Variants in DNAH8 observed in about 807,000 individuals in gnomAD.
DNAH8 encodes axonemal beta dynein heavy chain 8.
DNAH8 carries 382 observed loss-of-function variants against 562.1 expected under a neutral mutation model. The ratio of observed to expected loss-of-function variants is 0.68; its 90% CI spans 0.63 to 0.74. The LOEUF is 0.74. Among genes scored for constraint, DNAH8 ranks in the 30% least tolerant of loss-of-function variants. The pLI is 0.00. For missense variants in DNAH8, 5,203 were observed against 5,620.4 expected (o/e 0.93, Z 2.37); for synonymous variants, 1,881 against 1,919.4 (o/e 0.98, Z 0.52).
chr6:38,944,727 G>T (rs922052225), intron 79 of DNAH8, among the ~76,000 whole-genome samples: 2 of 152,270 alleles, frequency 1.3e-5, no homozygotes, highest in South Asian at 2.1e-4. Flanking sequence ...AAAAGCAAGG[G>T]CCTGGTTGGG....
Position 38,786,745 on chromosome 6 carries a change from C to A in DNAH8, c.2396-20C>A. ...AAAGGAAATTCAGAATGAGTAATGTCAATCATTATTTATTTGTAGCTTTAC... is the reference window on the plus strand; with the variant it reads ...AAAGGAAATTCAGAATGAGTAATGTAAATCATTATTTATTTGTAGCTTTAC... On this transcript the variant is annotated intron_variant, in intron 17 of 92. Coordinates refer to ENST00000327475, the MANE Select transcript of DNAH8 (RefSeq NM_001206927.2). 1 of 1,605,660 alleles carries A rather than the reference C, an allele frequency of 6.2e-7. No individual in the cohort carries two copies. The highest frequency in any genetic ancestry group is 1.1e-5 in the South Asian group (1 of 89,692).
chr6:38,953,714 A>T (rs1376136731), intron 82 of DNAH8, among the ~76,000 whole-genome samples: 1 of 152,240 alleles, frequency 6.6e-6, no homozygotes, highest in African/African-American at 2.4e-5. Context: ...GTTAAAATGG[A>T]ACTATTACAC....
chr6:38,953,091 T>C (rs1561908943), intron 82 of DNAH8: 1 of 152,276 alleles, frequency 6.6e-6, no homozygotes. Flanking sequence ...TAGTGGCTCA[T>C]GGGCTTCACT....
intron 8 of DNAH8, among the ~76,000 whole-genome samples, chr6:38,748,422 C>T (rs986987202): frequency 9.2e-5 from 14 of 152,116 alleles, no homozygotes; most frequent in African/African-American, 3.1e-4. Flanking sequence ...ATCCCAACCT[C>T]TTTGTTGGAT....
At chr6:39,027,566 G>A (rs777884781) in intron 92 of DNAH8, among the ~76,000 whole-genome samples, 1 of 152,158 alleles carries the variant, frequency 6.6e-6, no homozygotes, top group Admixed American at 6.5e-5. Flanking sequence ...GGTGGCTCAC[G>A]CCTGTAATCC....
chr6:38,845,739 A>G lies in DNAH8; in HGVS notation c.5011A>G (p.Ser1671Gly). 1.2e-6 allele frequency: 2 copies of G among 1,613,904 alleles called. No homozygotes were observed. Among genetic ancestry groups the G allele is most frequent in the Non-Finnish European group, 1.7e-6 (2 of 1,179,830 alleles). The stretch of plus-strand genomic sequence containing the variant: ...AGAAATTATCACTTTGATGGAGGAT[A>G]GTTTAATGGTCTTAGGGTCTTTACT... ...SGEIITLMED[S>G]LMVLGSLLSN... Residue 1671 changes from serine to glycine, a missense_variant, in exon 36 of 93, where the codon AGT (serine) becomes GGT (glycine). Ser to Gly is a moderately conservative substitution (Grantham distance 56). Transcript: ENST00000327475.
At chr6:38,858,949 G>A (rs1776403823) in intron 42 of DNAH8, among the ~76,000 whole-genome samples, 1 of 152,020 alleles carries the variant, frequency 6.6e-6, no homozygotes, top group Non-Finnish European at 1.5e-5. Context: ...TTAAAATTAA[G>A]TGCTGAGCAA....
chr6:38,960,841 AC>A (rs575411085), intron 82 of DNAH8, among the ~76,000 whole-genome samples: 121 of 152,132 alleles, frequency 8.0e-4, no homozygotes, highest in African/African-American at 2.8e-3. Flanking sequence ...ATTTAAAAAA[AC>A]GAAGTGAAAT....
chr6:38,813,916 G>A (rs1772019251), intron 24 of DNAH8, 138 bp from the exon 25 acceptor site: 2 of 704,550 alleles, frequency 2.8e-6, no homozygotes, highest in African/African-American at 3.6e-5. Context: ...TTAGGGTTCT[G>A]TTATAAGTAA....
intron 48 of DNAH8, among the ~76,000 whole-genome samples, chr6:38,869,851 T>G (rs969028675): frequency 1.3e-5 from 2 of 152,206 alleles, no homozygotes; most frequent in Admixed American, 6.5e-5. Context: ...TAGAACACAT[T>G]GAATGCTAAC....
At position 38,924,146 on chromosome 6, in the gene DNAH8, T is replaced by C; in HGVS notation, c.10946T>C (p.Leu3649Ser). 3 of 1,613,760 alleles carry C rather than the reference T, an allele frequency of 1.9e-6. No individual in the cohort carries two copies. The highest frequency in any genetic ancestry group is 2.5e-6 in the Non-Finnish European group (3 of 1,179,792). ...FTENLNLISM[L>S]VDPPTIGEWG... ...GAAAACCTGAATCTTATTTCAATGTTGGTGGATCCTCCAACTGTAAGTTTT... is the reference window on the plus strand; with the variant it reads ...GAAAACCTGAATCTTATTTCAATGTCGGTGGATCCTCCAACTGTAAGTTTT... Residue 3649 changes from leucine (L) to serine (S), a missense_variant, in exon 73 of 93, where the codon TTG becomes TCG. By Grantham distance (145) the Leu-to-Ser change is moderately radical. Transcript: ENST00000327475.
chr6:38,910,421 T>C (rs1438248547), intron 65 of DNAH8, among the ~76,000 whole-genome samples: 10 of 152,372 alleles, frequency 6.6e-5, no homozygotes, highest in East Asian at 5.8e-4. Context: ...AACACTTTCA[T>C]TGATTTTCAG....
Position 38,803,294 on chromosome 6 carries a change from A to G in DNAH8, c.3017A>G (p.Lys1006Arg), listed in dbSNP as rs200071000. The G allele has an allele frequency of 2.4e-4, 381 of 1,601,136 alleles. No individual in the cohort carries two copies. Among genetic ancestry groups the G allele is most frequent in the Non-Finnish European group, 1.5e-4 (181 of 1,174,522 alleles). ...ATTTATGAAGTGAAATACACTGGGA[A>G]AGTAGGAAAACAGTCAGGTAACTTT... ...EQIYEVKYTGKVGKQSEQRKH... is the reference protein window; with the variant it reads ...EQIYEVKYTGRVGKQSEQRKH... Residue 1006 changes from lysine to arginine, a missense_variant, in exon 22 of 93, where the codon AAA becomes AGA. Lys to Arg is a conservative substitution (Grantham distance 26). Transcript: ENST00000327475.
chr6:38,811,782 T>C (rs1005819618), intron 24 of DNAH8, among the ~76,000 whole-genome samples: 5 of 152,144 alleles, frequency 3.3e-5, no homozygotes, highest in Non-Finnish European at 7.4e-5. Context: ...GAGCTTTGTT[T>C]TTGTGTTTCT....
intron 88 of DNAH8, among the ~76,000 whole-genome samples, chr6:38,997,152 G>A (rs1765191243): frequency 6.6e-6 from 1 of 152,120 alleles, no homozygotes; most frequent in Non-Finnish European, 1.5e-5. Context: ...GGTTGGCTCT[G>A]TTCTGCAGCT....
chr6:38,753,714 T>C (rs1307467650), intron 9 of DNAH8, among the ~76,000 whole-genome samples: 4 of 152,224 alleles, frequency 2.6e-5, no homozygotes, highest in Non-Finnish European at 5.9e-5. Flanking sequence ...TTAATTCATA[T>C]AATTTAAAAA....
intron 85 of DNAH8, among the ~76,000 whole-genome samples, chr6:38,981,353 C>A (rs1427474766): frequency 6.6e-6 from 1 of 152,118 alleles, no homozygotes; most frequent in Non-Finnish European, 1.5e-5. Flanking sequence ...CTTGCCATAC[C>A]TTTAAAATGC....
intron 79 of DNAH8, among the ~76,000 whole-genome samples, chr6:38,942,011 G>T (rs1561893986): frequency 6.6e-6 from 1 of 152,044 alleles, no homozygotes; most frequent in Non-Finnish European, 1.5e-5. Flanking sequence ...AGGCCTGAGG[G>T]AGCTCACTCC....
chr6:38,724,897 G>A (rs957237025), intron 3 of DNAH8, among the ~76,000 whole-genome samples: 7 of 152,038 alleles, frequency 4.6e-5, no homozygotes, highest in Non-Finnish European at 1.0e-4. Context: ...TGGGGTTGTG[G>A]TGAGGTTGTC....
Sources: allele counts gnomAD v4.1 joint callset (sites outside exome capture counted in the v4.1 genomes callset), GRCh38; gene constraint gnomAD v4.1.1; transcripts MANE v1.5; gene names NCBI Gene and HGNC (gene_info 2026-07-23, HGNC 2026-07-21).